DGKB: variants seen among roughly 807,000 people sequenced by gnomAD.
DGKB encodes the protein diacylglycerol kinase beta.
DGKB carries 67 observed loss-of-function variants against 114.3 expected under a neutral mutation model. That is an observed-to-expected ratio of 0.59 (90% CI 0.48 to 0.72). The LOEUF (loss-of-function observed/expected upper bound fraction) is 0.72. Ranked by LOEUF, DGKB falls within the 30% of genes least tolerant of loss-of-function variation. DGKB has a pLI of 0.00. For missense variants in DGKB, 907 were observed against 975.2 expected, an observed-to-expected ratio of 0.93 and a Z score of 0.93; for synonymous variants, 398 against 323.1, an observed-to-expected ratio of 1.23 and a Z score of -2.49.
intron 17 of DGKB, among the ~76,000 whole-genome samples, chr7:14,597,541 A>G (rs1046953726): frequency 6.6e-6 from 1 of 152,126 alleles, no homozygotes; most frequent in Non-Finnish European, 1.5e-5. Flanking sequence ...TACGAAGAAC[A>G]CTGTTACCCA....
At chr7:14,729,213 C>G (rs1227572520) in intron 5 of DGKB, among the ~76,000 whole-genome samples, 1 of 148,138 alleles carries the variant, frequency 6.8e-6, no homozygotes, top group Non-Finnish European at 1.5e-5. Context: ...AGCTCCGCCT[C>G]CTGGGTTCAC....
intron 19 of DGKB, among the ~76,000 whole-genome samples, chr7:14,577,940 T>C (rs955046200): frequency 6.6e-6 from 1 of 152,194 alleles, no homozygotes; most frequent in African/African-American, 2.4e-5. Context: ...ATAAAGTACT[T>C]AACACAAACA....
At chr7:14,614,905 C>G (rs1337965676) in intron 15 of DGKB, among the ~76,000 whole-genome samples, 1 of 152,090 alleles carries the variant, frequency 6.6e-6, no homozygotes, top group Non-Finnish European at 1.5e-5. Flanking sequence ...CAGGTCTCCC[C>G]TGAACCAAAT....
At chr7:14,447,154 AG>A (rs1240572707) in intron 21 of DGKB, among the ~76,000 whole-genome samples, 1 of 152,060 alleles carries the variant, frequency 6.6e-6, no homozygotes. Flanking sequence ...CATCACCCCT[AG>A]GGGGAACTTT....
chr7:14,164,146 A>G (rs1453066076), intron 25 of DGKB, among the ~76,000 whole-genome samples: 1 of 152,142 alleles, frequency 6.6e-6, no homozygotes, highest in Non-Finnish European at 1.5e-5. Context: ...TCAGGAAAAT[A>G]CTAATTATCT....
intron 21 of DGKB, among the ~76,000 whole-genome samples, chr7:14,353,654 C>G (rs1468230920): frequency 6.6e-6 from 1 of 152,152 alleles, no homozygotes; most frequent in African/African-American, 2.4e-5. Flanking sequence ...CCAAAGCACA[C>G]TCAAAACATA....
chr7:14,743,718 T>G (rs61709884), intron 4 of DGKB, among the ~76,000 whole-genome samples: 27 of 152,338 alleles, frequency 1.8e-4, no homozygotes, highest in African/African-American at 6.5e-4. Flanking sequence ...ATGCTATCAA[T>G]CACAATTAAG....
At chr7:14,766,981 A>G (rs558017023) in intron 2 of DGKB, among the ~76,000 whole-genome samples, 50 of 149,006 alleles carry the variant, frequency 3.4e-4, no homozygotes, top group African/African-American at 1.1e-3. Flanking sequence ...AGTAGCTGGG[A>G]AAAAAAAAAT....
chr7:14,689,167 A>T lies in DGKB; in HGVS notation c.712-3805T>A, dbSNP rs188872930. Among the ~76,000 whole-genome samples, 214 of 151,224 alleles carry T rather than the reference A, an allele frequency of 1.4e-3. 1 individual carries two copies. The highest frequency in any genetic ancestry group is 4.6e-3 in the African/African-American group (189 of 41,316). On this transcript the variant is annotated intron_variant, in intron 9 of 25. Transcript: ENST00000402815. Reference sequence around the variant, plus strand: ...CTTTTTGTCCAAGGTCTCCAAAAAAAAAATTATGACAATGTGACAGAAACT... The same window carrying T: ...CTTTTTGTCCAAGGTCTCCAAAAAATAAATTATGACAATGTGACAGAAACT...
chr7:14,605,813 A>G (rs1804399171), intron 17 of DGKB, among the ~76,000 whole-genome samples: 1 of 152,110 alleles, frequency 6.6e-6, no homozygotes, highest in Non-Finnish European at 1.5e-5. Flanking sequence ...AATACGGATA[A>G]TAAACCACAT....
At chr7:14,563,021 T>A (rs1025751361) in intron 20 of DGKB, among the ~76,000 whole-genome samples, 3 of 152,164 alleles carry the variant, frequency 2.0e-5, no homozygotes, top group Non-Finnish European at 4.4e-5. Flanking sequence ...GGTAACTGAA[T>A]CACAGGGGCA....
intron 13 of DGKB, among the ~76,000 whole-genome samples, chr7:14,653,266 C>T (rs569404102): frequency 2.2e-4 from 34 of 151,232 alleles, no homozygotes; most frequent in Admixed American, 1.6e-3. Flanking sequence ...AAATGTCCCA[C>T]AATGATAGAC....
intron 6 of DGKB, among the ~76,000 whole-genome samples, chr7:14,715,187 T>G (rs938585235): frequency 1.3e-5 from 2 of 152,152 alleles, no homozygotes; most frequent in Non-Finnish European, 2.9e-5. Context: ...TATTGTACTA[T>G]GCAATAATTA....
intron 8 of DGKB, among the ~76,000 whole-genome samples, chr7:14,696,326 T>C (rs1053685108): frequency 4.0e-5 from 6 of 150,926 alleles, no homozygotes; most frequent in Non-Finnish European, 5.9e-5. Flanking sequence ...ACCCCGTCTC[T>C]ACTAAAAATA....
intron 2 of DGKB, among the ~76,000 whole-genome samples, chr7:14,816,128 C>T (rs1054720599): frequency 1.3e-5 from 2 of 151,934 alleles, no homozygotes; most frequent in Non-Finnish European, 2.9e-5. Context: ...GTCAGGAGGG[C>T]GAGACCAGCC....
intron 23 of DGKB, among the ~76,000 whole-genome samples, chr7:14,293,662 C>A (rs1472110720): frequency 6.6e-6 from 1 of 152,154 alleles, no homozygotes; most frequent in Non-Finnish European, 1.5e-5. Flanking sequence ...TCTTCCTTGG[C>A]TGCCTTCTCT....
intron 22 of DGKB, among the ~76,000 whole-genome samples, chr7:14,340,913 G>C (rs1477602854): frequency 1.3e-5 from 2 of 151,616 alleles, no homozygotes; most frequent in Non-Finnish European, 2.9e-5. Flanking sequence ...ACTGTGACAA[G>C]TTACTTTCAG....
Position 14,860,993 on chromosome 7 carries a change from T to C in DGKB, c.-187-19543A>G, listed in dbSNP as rs558806831. Among the ~76,000 whole-genome samples, 25 of 152,088 alleles carry C rather than the reference T, an allele frequency of 1.6e-4. No homozygotes were observed. The South Asian group carries it at 5.2e-3, about 32-fold the overall frequency. On this transcript the variant is annotated intron_variant, in intron 1 of 25. Transcript: ENST00000402815. Reference sequence around the variant, plus strand: ...CCACACTATATCCCTGGCAATTAGTTGCTATTAATAATCACTTTCTTAGCA... The same window carrying C: ...CCACACTATATCCCTGGCAATTAGTCGCTATTAATAATCACTTTCTTAGCA...
intron 4 of DGKB, among the ~76,000 whole-genome samples, chr7:14,747,876 CAG>C (rs1347378621): frequency 3.9e-5 from 6 of 151,980 alleles, no homozygotes; most frequent in African/African-American, 1.5e-4. Context: ...AGGGAGATAA[CAG>C]AGAATTTGTA....
Sources: gnomAD v4.1 joint callset for allele counts (sites outside exome capture counted in the v4.1 genomes callset) on GRCh38, gnomAD v4.1.1 for gene constraint, MANE v1.5 for transcripts, NCBI Gene and HGNC (gene_info 2026-07-23, HGNC 2026-07-21) for gene names.